The following TLE2 variants were observed in gnomAD, a reference collection of about 807,000 sequenced individuals.
The protein encoded by TLE2 is TLE family member 2, transcriptional corepressor, also known as transducin-like enhancer protein 2.
A neutral mutation model predicts 97.2 loss-of-function variants in TLE2; 74 were observed. That is an observed-to-expected ratio of 0.76 (90% CI 0.63 to 0.92). TLE2 has a LOEUF of 0.92. TLE2 is among the 40% of genes least tolerant of loss of function. The pLI is 0.00. For missense variants in TLE2, 1,038 were observed against 1,008.7 expected, an observed-to-expected ratio of 1.03 and a Z score of -0.39; for synonymous variants, 499 against 432.1, an observed-to-expected ratio of 1.15 and a Z score of -1.92.
At chr19:3,036,543 G>A (rs1216947609) in intron 1 of TLE2, among the ~76,000 whole-genome samples, 1 of 152,228 alleles carries the variant, frequency 6.6e-6, no homozygotes, top group Non-Finnish European at 1.5e-5. Flanking sequence ...AGCCAGGCCT[G>A]TCCCCTCCCG....
At chr19:2,998,632 T>C (rs527617982) in intron 19 of TLE2, among the ~76,000 whole-genome samples, 1 of 152,230 alleles carries the variant, frequency 6.6e-6, no homozygotes, top group African/African-American at 2.4e-5. Flanking sequence ...CAGGCTAGTC[T>C]CAAACTCCTG....
intron 4 of TLE2, among the ~76,000 whole-genome samples, chr19:3,025,893 C>G (rs1382992818): frequency 1.3e-5 from 2 of 152,084 alleles, no homozygotes; most frequent in Non-Finnish European, 2.9e-5. Flanking sequence ...ACATCAGAAC[C>G]AACAGAACCC....
chr19:3,029,325 C>T (rs888423370), upstream of TLE2: 1 of 185,152 alleles, frequency 5.4e-6, no homozygotes, highest in Admixed American at 6.8e-5. Context: ...CCGCCGCCCC[C>T]ACGCGCCCGC....
intron 1 of TLE2, among the ~76,000 whole-genome samples, chr19:3,041,238 G>C (rs2090101290): frequency 6.6e-6 from 1 of 151,142 alleles, no homozygotes; most frequent in Admixed American, 6.6e-5. Context: ...TGTTGGCCAG[G>C]CTGGTCTTGA....
rs1396605311 is a variant in TLE2, at chr19:2,998,237, A to ATATG, written c.2125-283_2125-282insCATA. On this transcript the variant is annotated intron_variant, in intron 19 of 19. Transcript: ENST00000262953. ...AGGCGCCCGCAACCACGCCCGGCCA[A>ATATG]TGTGTGTGTGTGTGTGTGTGTGTGT... 6.6e-5 allele frequency among the ~76,000 whole-genome samples: 8 copies of ATATG among 121,426 alleles called. No individual in the cohort carries two copies. The South Asian group carries it at 1.9e-3, about 29-fold the overall frequency. The allele number at this position is 121,426 out of a possible 152,430, so 79.7% of individuals were successfully genotyped here.
intron 5 of TLE2, among the ~76,000 whole-genome samples, chr19:3,021,196 G>C (rs2089836320): frequency 6.7e-6 from 1 of 149,900 alleles, no homozygotes; most frequent in South Asian, 2.1e-4. Context: ...CACGAGATCA[G>C]GAGTTCGAGA....
At chr19:3,033,402 C>T (rs1294871775), upstream of TLE2, among the ~76,000 whole-genome samples, 4 of 151,938 alleles carry the variant, frequency 2.6e-5, no homozygotes, top group South Asian at 2.1e-4. Flanking sequence ...CTCCTGACCT[C>T]GTGATCCGCC....
chr19:3,039,225 CAAAAAAA>C (rs1198237452), intron 1 of TLE2, among the ~76,000 whole-genome samples: 3 of 103,866 alleles, frequency 2.9e-5, no homozygotes, highest in Admixed American at 2.2e-4. Context: ...TTCCCCACTC[CAAAAAAA>C]AAAAAAAAAA....
intron 5 of TLE2, among the ~76,000 whole-genome samples, chr19:3,021,114 A>AAAGG (rs752326503): frequency 2.1e-3 from 96 of 45,350 alleles, no homozygotes; most frequent in Non-Finnish European, 3.0e-3. Context: ...AAAAAAAAAA[A>AAAGG]GGGGGGGGGG....
At chr19:3,022,541 A>T (rs556310949) in intron 5 of TLE2, among the ~76,000 whole-genome samples, 2 of 152,198 alleles carry the variant, frequency 1.3e-5, no homozygotes, top group East Asian at 3.9e-4. Context: ...AAAAAAAAAA[A>T]ATTTTTTTAA....
intron 13 of TLE2, 40 bp from the exon 14 acceptor site, chr19:3,008,985 T>C (rs1226179899): frequency 6.6e-7 from 1 of 1,506,942 alleles, no homozygotes; most frequent in Non-Finnish European, 9.0e-7. Flanking sequence ...GGCAGGTGAC[T>C]CCAACCCACC....
chr19:3,013,802 G>A lies in TLE2; in HGVS notation c.740C>T (p.Pro247Leu). 6.5e-7 allele frequency: 1 copy of A among 1,547,018 alleles called. No homozygotes were observed. Among genetic ancestry groups the A allele is most frequent in the Non-Finnish European group, 8.7e-7 (1 of 1,151,990 alleles). The change falls in exon 11 of 20, where the codon CCC becomes CTC. Residue 247 changes from proline (P) to leucine (L), a missense_variant. Transcript: ENST00000262953. Reference sequence around the variant, plus strand: ...GCAGGGGGTGGTAGCCGGGCTGGGGGGCTCTGAGGGTTGGTCCTGGGTTTG... The same window carrying A: ...GCAGGGGGTGGTAGCCGGGCTGGGGAGCTCTGAGGGTTGGTCCTGGGTTTG... ...LVVDEDQPSE[P>L]PSPATTPCGK...
intron 5 of TLE2, 66 bp downstream of exon 5, chr19:3,024,954 G>T: frequency 7.0e-7 from 1 of 1,432,920 alleles, no homozygotes; most frequent in Non-Finnish European, 9.6e-7. Context: ...TCCTCGCCCA[G>T]ACCTACCCCC....
upstream of TLE2, chr19:3,029,564 G>GGGGC: frequency 1.0e-5 from 8 of 801,580 alleles, 1 homozygote; most frequent in African/African-American, 7.5e-5. Context: ...GGAGCGGGGG[G>GGGGC]GGGGGCTTGC....
intron 1 of TLE2, among the ~76,000 whole-genome samples, chr19:3,039,368 A>C (rs561572834): frequency 6.7e-6 from 1 of 150,328 alleles, no homozygotes; most frequent in Non-Finnish European, 1.5e-5. Context: ...CCCTCCTCTC[A>C]CCTCCTCCCA....
chr19:3,013,903 C>T, intron 10 of TLE2, 85 bp from the exon 11 acceptor site: 2 of 1,294,638 alleles, frequency 1.5e-6, no homozygotes, highest in South Asian at 5.5e-5. Context: ...GACTCCCACC[C>T]CAATCTCTAG....
chr19:3,045,762 G>C (rs773492651), exon 1 of TLE2: 9 of 447,494 alleles, frequency 2.0e-5, no homozygotes, highest in South Asian at 1.4e-4. Flanking sequence ...GGGAGGCGGA[G>C]GTTGCAGTGA....
intron 1 of TLE2, among the ~76,000 whole-genome samples, chr19:3,039,668 C>T (rs1473843210): frequency 2.0e-5 from 3 of 152,074 alleles, no homozygotes; most frequent in Non-Finnish European, 4.4e-5. Flanking sequence ...AACACACCAC[C>T]GGCTACACTG....
At chr19:3,015,524 T>C (rs761256511) in intron 9 of TLE2, 129 bp downstream of exon 9, 45 of 688,298 alleles carry the variant, frequency 6.5e-5, no homozygotes, top group Non-Finnish European at 1.1e-4. Flanking sequence ...GTACTCTGAG[T>C]AGTAGGGAGC....
Sources: allele counts gnomAD v4.1 joint callset (sites outside exome capture counted in the v4.1 genomes callset), GRCh38; gene constraint gnomAD v4.1.1; transcripts MANE v1.5; gene names NCBI Gene and HGNC (gene_info 2026-07-23, HGNC 2026-07-21).